The following CCL17 variants were observed in gnomAD, a reference collection of about 807,000 sequenced individuals.
CCL17 encodes C-C motif chemokine 17.
Under a neutral mutation model 7.4 loss-of-function variants are expected in CCL17, and 8 were observed. The ratio of observed to expected loss-of-function variants is 1.09; its 90% CI spans 0.64 to 1.96. The LOEUF (loss-of-function observed/expected upper bound fraction) is 1.96, where lower values mean the gene tolerates loss of function less well. CCL17 is among the 30% of genes most tolerant of loss of function. CCL17 has a pLI of 0.00. For missense variants in CCL17, 102 were observed against 113.0 expected (o/e 0.90, Z 0.44); for synonymous variants, 40 against 46.1 (o/e 0.87, Z 0.54).
At chr16:57,407,628 C>G (rs1248339299) in intron 1 of CCL17, among the ~76,000 whole-genome samples, 1 of 152,086 alleles carries the variant, frequency 6.6e-6, no homozygotes, top group Admixed American at 6.5e-5. Flanking sequence ...ATCCATCTAT[C>G]TAGCCATACA....
chr16:57,401,763 C>A (rs1475642878), upstream of CCL17, among the ~76,000 whole-genome samples: 1 of 152,128 alleles, frequency 6.6e-6, no homozygotes, highest in East Asian at 1.9e-4. Context: ...CGCTGATGCC[C>A]TACCCAGGCC....
At chr16:57,402,128 C>A (rs1208780155), upstream of CCL17, among the ~76,000 whole-genome samples, 2 of 152,242 alleles carry the variant, frequency 1.3e-5, no homozygotes, top group Admixed American at 6.5e-5. Flanking sequence ...TTCTTCCCTG[C>A]AAAGGGCTCT....
chr16:57,410,593 C>T (rs559164591), intron 1 of CCL17, among the ~76,000 whole-genome samples: 1 of 152,332 alleles, frequency 6.6e-6, no homozygotes, highest in African/African-American at 2.4e-5. Context: ...GTCCTAGAAT[C>T]CTCACAGCAG....
chr16:57,403,425 AATATATATTATAAT>A (rs1164920134), upstream of CCL17, among the ~76,000 whole-genome samples: 2 of 14,776 alleles, frequency 1.4e-4, 1 homozygote, highest in African/African-American at 1.4e-3. Flanking sequence ...ATTATATTAT[AATATATATTATAAT>A]ATATATATTA....
chr16:57,403,620 A>AAT (rs1798219718), upstream of CCL17, among the ~76,000 whole-genome samples: 1 of 71,894 alleles, frequency 1.4e-5, no homozygotes, highest in African/African-American at 5.5e-5. Flanking sequence ...ATATATTTAT[A>AAT]ATATATATTA....
At chr16:57,398,707 C>T in the CCL17 span, among the ~76,000 whole-genome samples, 1 of 152,266 alleles carries the variant, frequency 6.6e-6, no homozygotes, top group East Asian at 1.9e-4. Flanking sequence ...TTGTTGTAGG[C>T]AGAGCTGGGC....
upstream of CCL17, among the ~76,000 whole-genome samples, chr16:57,401,096 A>G (rs573874970): frequency 5.9e-5 from 9 of 152,216 alleles, no homozygotes; most frequent in South Asian, 1.9e-3. Context: ...GTTGGTGTAT[A>G]GAATAGCATA....
chr16:57,409,634 G>A (rs1011936650), intron 1 of CCL17, among the ~76,000 whole-genome samples: 9 of 152,274 alleles, frequency 5.9e-5, no homozygotes, highest in South Asian at 2.1e-4. Context: ...GATTCAGGAC[G>A]CATGCAGGTA....
intron 2 of CCL17, among the ~76,000 whole-genome samples, chr16:57,414,782 G>A (rs1278729847): frequency 2.0e-5 from 3 of 151,992 alleles, no homozygotes; most frequent in African/African-American, 7.2e-5. Context: ...GCGCACAGAT[G>A]CACAGAGACA....
upstream of CCL17, among the ~76,000 whole-genome samples, chr16:57,400,300 A>G (rs1902574296): frequency 6.6e-6 from 1 of 152,078 alleles, no homozygotes; most frequent in Non-Finnish European, 1.5e-5. Context: ...CGGAGCTTGC[A>G]GTGAGCTGAT....
chr16:57,397,044 T>C, the CCL17 span, among the ~76,000 whole-genome samples: 2 of 152,220 alleles, frequency 1.3e-5, no homozygotes, highest in Non-Finnish European at 2.9e-5. Context: ...AAGGGAAGGC[T>C]TCTATCCAAT....
chr16:57,403,570 ATTTATAATATATATAATATATAT>A (rs1902645059), upstream of CCL17, among the ~76,000 whole-genome samples: 1 of 56,848 alleles, frequency 1.8e-5, no homozygotes, highest in African/African-American at 7.0e-5. Flanking sequence ...TATAATATAT[ATTTATAATATATATAATATATAT>A]TTATAATATA....
At chr16:57,409,975 CG>C (rs1304032884) in intron 1 of CCL17, among the ~76,000 whole-genome samples, 3 of 152,298 alleles carry the variant, frequency 2.0e-5, no homozygotes, top group Non-Finnish European at 2.9e-5. Context: ...TGAGCTGCTC[CG>C]GGAGACCTCG....
In CCL17 at chr16:57,415,312, C is replaced by A. The variant is rs560990078; in HGVS notation, c.188+114C>A. 42 of 741,172 alleles carry A rather than the reference C, an allele frequency of 5.7e-5. No homozygotes were observed. The South Asian group carries it at 5.7e-4, about 10-fold the overall frequency. The allele number at this position is 741,172 out of a possible 1,614,324, so 45.9% of individuals were successfully genotyped here. Reference sequence around the variant, plus strand: ...AGGGAAGAGACAGCGGGGCCTTCCTCCCCAACCCCTGCAGGCTCCCCACAC... The same window carrying A: ...AGGGAAGAGACAGCGGGGCCTTCCTACCCAACCCCTGCAGGCTCCCCACAC... On this transcript the variant is annotated intron_variant, in intron 3 of 3. Coordinates refer to ENST00000219244, the MANE Select transcript of CCL17 (RefSeq NM_002987.3). The surrounding 1 kb of genome is among the most constrained non-coding windows in gnomAD (Gnocchi z 4.5).
At chr16:57,400,295 C>G (rs373895373), upstream of CCL17, among the ~76,000 whole-genome samples, 10 of 151,880 alleles carry the variant, frequency 6.6e-5, no homozygotes, top group African/African-American at 2.4e-4. Context: ...AGAGGCGGAG[C>G]TTGCAGTGAG....
At chr16:57,403,524 ATGT>A (rs1902641157), upstream of CCL17, among the ~76,000 whole-genome samples, 6 of 31,736 alleles carry the variant, frequency 1.9e-4, 1 homozygote, top group African/African-American at 1.1e-3. Flanking sequence ...TATTATATAT[ATGT>A]TATATATATT....
At chr16:57,403,799 G>A (rs1322867472), upstream of CCL17, among the ~76,000 whole-genome samples, 1 of 147,312 alleles carries the variant, frequency 6.8e-6, no homozygotes, top group Non-Finnish European at 1.5e-5. Flanking sequence ...TGGGACTACA[G>A]GCACCTGCCA....
chr16:57,410,562 A>C (rs899487427), intron 1 of CCL17, among the ~76,000 whole-genome samples: 1 of 152,074 alleles, frequency 6.6e-6, no homozygotes, highest in Non-Finnish European at 1.5e-5. Context: ...AGCATTCCTG[A>C]TTGCCCTGAC....
chr16:57,409,314 G>A (rs1263890174), intron 1 of CCL17, among the ~76,000 whole-genome samples: 2 of 152,174 alleles, frequency 1.3e-5, no homozygotes, highest in African/African-American at 4.8e-5. Context: ...GAAGGCTTGG[G>A]CATCAGTAAA....
Sources: gnomAD v4.1 joint callset for allele counts (sites outside exome capture counted in the v4.1 genomes callset) on GRCh38, gnomAD v4.1.1 for gene constraint, Gnocchi (gnomAD v3.1) non-coding constraint, MANE v1.5 for transcripts, NCBI Gene and HGNC (gene_info 2026-07-23, HGNC 2026-07-21) for gene names.